The following SORBS2 variants were observed in gnomAD, a reference collection of about 807,000 sequenced individuals.
The protein encoded by SORBS2 is sorbin and SH3 domain containing 2.
Under a neutral mutation model 97.7 loss-of-function variants are expected in SORBS2, and 46 were observed. The ratio of observed to expected loss-of-function variants is 0.47; its 90% CI spans 0.37 to 0.60. The LOEUF (loss-of-function observed/expected upper bound fraction) is 0.60, where lower values mean the gene tolerates loss of function less well. Ranked by LOEUF, SORBS2 falls within the 20% of genes least tolerant of loss-of-function variation. The pLI is 0.00. For synonymous variants in SORBS2, 476 were observed against 473.4 expected, an observed-to-expected ratio of 1.01 and a Z score of -0.07; for missense variants, 1,316 against 1,282.3, an observed-to-expected ratio of 1.03 and a Z score of -0.40.
chr4:185,662,389 C>T (rs2097535204), intron 4 of SORBS2, 147 bp from the exon 8 acceptor site: 7 of 774,914 alleles, frequency 9.0e-6, no homozygotes, highest in Non-Finnish European at 1.2e-5. Context: ...TGTCAGAGGG[C>T]ATGCTACATT....
chr4:185,805,586 C>T (rs1455306769), intron 1 of SORBS2, among the ~76,000 whole-genome samples: 2 of 152,186 alleles, frequency 1.3e-5, no homozygotes, highest in South Asian at 2.1e-4. Flanking sequence ...CACCACTCTC[C>T]TGACCTCCCT....
chr4:185,623,054 T>A lies in SORBS2; in HGVS notation c.2075A>T (p.His692Leu). Residue 692 changes from histidine (H) to leucine (L), a missense_variant, in exon 7 of 15, where the codon CAC becomes CTC. Coordinates refer to ENST00000418609, the Ensembl canonical transcript of SORBS2. This position sits in a 1 kb window ranked among gnomAD's most constrained non-coding sequence, Gnocchi z 6.4. The stretch of plus-strand genomic sequence containing the variant: ...AATAGCACCATCGGGAGGCAGTGGG[T>A]GGAGAGGCTGGTGCAGGGGGCTCCT... 9 of 1,614,040 alleles carry A rather than the reference T, an allele frequency of 5.6e-6. No homozygotes were observed. Among genetic ancestry groups the A allele is most frequent in the Non-Finnish European group, 6.8e-6 (8 of 1,179,996 alleles).
intron 2 of SORBS2, among the ~76,000 whole-genome samples, chr4:185,712,601 A>T (rs2098432436): frequency 6.6e-6 from 1 of 152,232 alleles, no homozygotes; most frequent in Non-Finnish European, 1.5e-5. Context: ...GCCCGTGGAC[A>T]GCAGAGCTAG....
At chr4:185,777,081 T>C (rs552429747) in intron 1 of SORBS2, among the ~76,000 whole-genome samples, 37 of 152,250 alleles carry the variant, frequency 2.4e-4, no homozygotes, top group African/African-American at 8.7e-4. Context: ...GACTACTACT[T>C]CAAGTACTAT....
intron 12 of SORBS2, among the ~76,000 whole-genome samples, chr4:185,602,954 G>GA (rs1451747542): frequency 6.6e-6 from 1 of 152,152 alleles, no homozygotes; most frequent in Non-Finnish European, 1.5e-5. Context: ...ATAAAACAGA[G>GA]AAAATCACTT....
Position 185,769,060 on chromosome 4 carries a change from C to T in SORBS2, c.-198+6167G>A, listed in dbSNP as rs187041147. 2.0e-4 allele frequency among the ~76,000 whole-genome samples: 31 copies of T among 151,424 alleles called. No individual in the cohort carries two copies. The East Asian group carries it at 5.4e-3, about 27-fold the overall frequency. The stretch of plus-strand genomic sequence containing the variant: ...AGGACATGAAATGTACAAAATGATG[C>T]GGGAGCATCTTGTAGTACCAGGGAA... On this transcript the variant is annotated intron_variant, in intron 2 of 20. Coordinates refer to the SORBS2 transcript ENST00000284776.
At chr4:185,785,778 A>G (rs1239442530) in intron 1 of SORBS2, among the ~76,000 whole-genome samples, 2 of 152,222 alleles carry the variant, frequency 1.3e-5, no homozygotes, top group Non-Finnish European at 2.9e-5. Flanking sequence ...TCTTAAGAGC[A>G]TGGGCTTGGA....
At chr4:185,618,449 C>A in intron 9 of SORBS2, 136 bp downstream of exon 21, 1 of 438,656 alleles carries the variant, frequency 2.3e-6, no homozygotes, top group Non-Finnish European at 4.2e-6. Context: ...CTGAAGGAAC[C>A]ATTTAATTAG....
At chr4:185,803,822 A>T (rs1368729178) in intron 1 of SORBS2, among the ~76,000 whole-genome samples, 1 of 152,220 alleles carries the variant, frequency 6.6e-6, no homozygotes, top group East Asian at 1.9e-4. Context: ...GTGTGAAAGA[A>T]TTCAGGATAT....
intron 1 of SORBS2, among the ~76,000 whole-genome samples, chr4:185,827,096 T>G (rs2099200494): frequency 7.0e-6 from 1 of 142,450 alleles, no homozygotes; most frequent in Non-Finnish European, 1.5e-5. Flanking sequence ...ATCACCATCA[T>G]CATCACCATC....
chr4:185,740,043 C>G (rs912186863), intron 2 of SORBS2: 1 of 152,654 alleles, frequency 6.6e-6, no homozygotes, highest in Admixed American at 6.5e-5. Context: ...GAGAGCCCAA[C>G]ACGGTGAGTT....
At chr4:185,610,802 T>G (rs570578388) in intron 12 of SORBS2, among the ~76,000 whole-genome samples, 4 of 152,176 alleles carry the variant, frequency 2.6e-5, no homozygotes, top group Non-Finnish European at 5.9e-5. Context: ...TTGATCTCAA[T>G]TAAAATAATT....
chr4:185,864,856 G>A (rs1283207976), intron 1 of SORBS2, among the ~76,000 whole-genome samples: 1 of 151,572 alleles, frequency 6.6e-6, no homozygotes, highest in Admixed American at 6.6e-5. Flanking sequence ...AATTTGCAGT[G>A]AGCTGAGACG....
At chr4:185,622,794 A>T in intron 7 of SORBS2, 120 bp downstream of exon 19, 1 of 1,005,874 alleles carries the variant, frequency 9.9e-7, no homozygotes, top group Non-Finnish European at 1.4e-6. Flanking sequence ...TTGCTTCACA[A>T]CACATAACGA....
intron 2 of SORBS2, among the ~76,000 whole-genome samples, chr4:185,740,769 T>C (rs189813412): frequency 6.6e-6 from 1 of 151,536 alleles, no homozygotes; most frequent in African/African-American, 2.4e-5. Flanking sequence ...CAACGCTAAC[T>C]CAGCCCAGCA....
intron 1 of SORBS2, among the ~76,000 whole-genome samples, chr4:185,884,703 T>C (rs1000258429): frequency 6.6e-6 from 1 of 152,204 alleles, no homozygotes; most frequent in Non-Finnish European, 1.5e-5. Flanking sequence ...TTTCCTACAA[T>C]GATCTCTCAA....
intron 4 of SORBS2, among the ~76,000 whole-genome samples, chr4:185,640,253 A>C (rs1268988930): frequency 1.3e-5 from 2 of 152,222 alleles, no homozygotes; most frequent in Non-Finnish European, 1.5e-5. Context: ...CCAAGCAGTC[A>C]AAACGGAATC....
intron 1 of SORBS2, among the ~76,000 whole-genome samples, chr4:185,817,429 G>A (rs755400753): frequency 2.0e-5 from 3 of 152,150 alleles, no homozygotes; most frequent in Admixed American, 6.5e-5. Flanking sequence ...CTTAAAAAGC[G>A]ACCTGGAAAG....
chr4:185,888,835 C>G (rs1482881561), intron 1 of SORBS2, among the ~76,000 whole-genome samples: 3 of 152,230 alleles, frequency 2.0e-5, no homozygotes, highest in Non-Finnish European at 4.4e-5. Flanking sequence ...TCCTCATTGT[C>G]TCATCTGAAA....
Sources: allele counts gnomAD v4.1 joint callset (sites outside exome capture counted in the v4.1 genomes callset), GRCh38; gene constraint gnomAD v4.1.1; non-coding constraint Gnocchi (gnomAD v3.1); transcripts MANE v1.5; gene names NCBI Gene and HGNC (gene_info 2026-07-23, HGNC 2026-07-21).